INPP5D: variants seen among roughly 807,000 people sequenced by gnomAD.
INPP5D encodes phosphatidylinositol 3,4,5-trisphosphate 5-phosphatase 1.
In INPP5D, 33 loss-of-function variants were observed where a neutral mutation model predicts 122.9. That is an observed-to-expected ratio of 0.27 (90% CI 0.20 to 0.36). INPP5D has a LOEUF of 0.36. Ranked by LOEUF, INPP5D falls within the 10% of genes least tolerant of loss-of-function variation. The pLI, the probability that INPP5D is intolerant of heterozygous loss-of-function variation, is 1.00. For synonymous variants in INPP5D, 584 were observed against 576.2 expected (o/e 1.01, Z -0.19); for missense variants, 1,053 against 1,412.7 (o/e 0.75, Z 4.08).
At chr2:233,111,832 G>A (rs745782457) in intron 2 of INPP5D, among the ~76,000 whole-genome samples, 3 of 152,112 alleles carry the variant, frequency 2.0e-5, no homozygotes, top group Non-Finnish European at 4.4e-5. Context: ...AGACCGAGAC[G>A]GGCAAATCAT....
At chr2:233,175,217 CAAAAAAAAAA>C (rs1220185296) in intron 17 of INPP5D, among the ~76,000 whole-genome samples, 7 of 68,616 alleles carry the variant, frequency 1.0e-4, no homozygotes, top group African/African-American at 4.3e-4. Context: ...GACTCCATCT[CAAAAAAAAAA>C]AAAAAAAAAA....
At chr2:233,187,802 C>T (rs550897456) in intron 21 of INPP5D, among the ~76,000 whole-genome samples, 3 of 152,308 alleles carry the variant, frequency 2.0e-5, no homozygotes, top group South Asian at 2.1e-4. Flanking sequence ...CTGCCTCACC[C>T]GGCCCAAGCC....
At chr2:233,075,442 C>T (rs964517433) in intron 1 of INPP5D, among the ~76,000 whole-genome samples, 2 of 152,190 alleles carry the variant, frequency 1.3e-5, no homozygotes, top group Non-Finnish European at 2.9e-5. Flanking sequence ...TGTTCCAGGG[C>T]AGCAATTGCC....
intron 26 of INPP5D, 153 bp downstream of exon 26, chr2:233,204,870 G>T: frequency 8.3e-7 from 1 of 1,205,716 alleles, no homozygotes; most frequent in Non-Finnish European, 1.1e-6. Context: ...ACACATGCGA[G>T]TGATGGTCCT....
Position 233,164,274 on chromosome 2 carries a change from G to T in INPP5D, c.1438-33G>T. 1 of 1,530,442 alleles carries T rather than the reference G, an allele frequency of 6.5e-7. No homozygotes were observed. Among genetic ancestry groups the T allele is most frequent in the South Asian group, 1.2e-5 (1 of 80,880 alleles). 94.8% of individuals were successfully genotyped at this position (1,530,442 alleles called of 1,614,324 possible). On this transcript the variant is annotated intron_variant, in intron 12 of 26. Coordinates refer to ENST00000445964, the MANE Select transcript of INPP5D (RefSeq NM_001017915.3). The surrounding 1 kb of genome is among the most constrained non-coding windows in gnomAD (Gnocchi z 4.3). ...GTGCCCTGGTTCACACCCTACACTT[G>T]GGCCGAGTATTGCAACGTTGTCCTC... is the stretch of plus-strand genomic sequence containing the variant.
rs748102212 is a variant in INPP5D at position 233,102,223 on chromosome 2, G to A, written c.199-19884G>A. Among the ~76,000 whole-genome samples, 11 of 152,234 alleles carry A rather than the reference G, an allele frequency of 7.2e-5. 1 individual carries two copies. The South Asian group carries it at 1.0e-3, about 14-fold the overall frequency. ...ACTTAGTCACAAACATTAAAAAATCGGAGATTTCATCTAGGAATCTGGACT... is the reference window on the plus strand; with the variant it reads ...ACTTAGTCACAAACATTAAAAAATCAGAGATTTCATCTAGGAATCTGGACT... On this transcript the variant is annotated intron_variant, in intron 2 of 26. Coordinates refer to ENST00000445964, the MANE Select transcript of INPP5D (RefSeq NM_001017915.3).
At chr2:233,196,961 C>T (rs1259386676) in intron 24 of INPP5D, among the ~76,000 whole-genome samples, 1 of 152,218 alleles carries the variant, frequency 6.6e-6, no homozygotes, top group East Asian at 1.9e-4. Context: ...TCTTTCCCTC[C>T]CATGATAATC....
chr2:233,122,779 C>G (rs1293552168), intron 3 of INPP5D, among the ~76,000 whole-genome samples: 2 of 152,100 alleles, frequency 1.3e-5, no homozygotes, highest in East Asian at 3.9e-4. Flanking sequence ...TGCACTCTAG[C>G]CTGGGTGACA....
intron 2 of INPP5D, among the ~76,000 whole-genome samples, chr2:233,119,499 T>G (rs1274114042): frequency 1.3e-5 from 2 of 152,184 alleles, no homozygotes; most frequent in Admixed American, 1.3e-4. Context: ...TTCAATAATG[T>G]TTGAAAGAGA....
intron 5 of INPP5D, among the ~76,000 whole-genome samples, chr2:233,137,887 TATATATATATACACAC>T (rs1693528196): frequency 3.9e-5 from 2 of 50,948 alleles, no homozygotes; most frequent in South Asian, 6.4e-4. Flanking sequence ...TATATATATA[TATATATATATACACAC>T]ACACACACAC....
intron 2 of INPP5D, among the ~76,000 whole-genome samples, chr2:233,096,875 T>C (rs1692159169): frequency 1.3e-5 from 2 of 152,210 alleles, no homozygotes; most frequent in Non-Finnish European, 2.9e-5. Context: ...GTGCGTTTTG[T>C]CATGTGGAAG....
chr2:233,193,894 G>C lies in INPP5D; in HGVS notation c.2529G>C (p.Leu843Phe). Residue 843 changes from leucine (L) to phenylalanine (F), a missense_variant, in exon 23 of 27, where the codon TTG becomes TTC. By Grantham distance (22) the Leu-to-Phe change is conservative. Transcript: ENST00000445964. Reference protein sequence around the residue: ...IYTPLTHHGELTGHFQGEIKL... With the variant: ...IYTPLTHHGEFTGHFQGEIKL... ...CGCCTCTCACCCACCATGGGGAGTTGACAGGCCACTTCCAGGGGGAGATCA... is the reference window on the plus strand; with the variant it reads ...CGCCTCTCACCCACCATGGGGAGTTCACAGGCCACTTCCAGGGGGAGATCA... 1.2e-6 allele frequency: 2 copies of C among 1,613,954 alleles called. No individual in the cohort carries two copies. The highest frequency in any genetic ancestry group is 2.2e-5 in the South Asian group (2 of 91,084).
chr2:233,166,424 T>C (rs1005155223), intron 13 of INPP5D, among the ~76,000 whole-genome samples: 2 of 151,922 alleles, frequency 1.3e-5, no homozygotes, highest in Non-Finnish European at 2.9e-5. Flanking sequence ...TGGGAGGGAG[T>C]GCACTGGCGA....
At chr2:233,113,117 C>T (rs1028359017) in intron 2 of INPP5D, among the ~76,000 whole-genome samples, 3 of 152,158 alleles carry the variant, frequency 2.0e-5, no homozygotes, top group African/African-American at 7.2e-5. Context: ...GTATTATCCC[C>T]AAGAAGGGTA....
At position 233,099,320 on chromosome 2, in the gene INPP5D, T is replaced by C. The variant is rs569100527; in HGVS notation, c.198+19922T>C. 3.0e-4 allele frequency among the ~76,000 whole-genome samples: 46 copies of C among 152,344 alleles called. 1 individual carries two copies. The South Asian group carries it at 8.9e-3, about 29-fold the overall frequency. Reference sequence around the variant, plus strand: ...TACACCAGCCCGTTACTCCAGACCATTGAGGTCAGCTTCATCCTGGCTCTA... The same window carrying C: ...TACACCAGCCCGTTACTCCAGACCACTGAGGTCAGCTTCATCCTGGCTCTA... On this transcript the variant is annotated intron_variant, in intron 2 of 26. Transcript: ENST00000445964.
intron 6 of INPP5D, among the ~76,000 whole-genome samples, chr2:233,144,655 G>A (rs1255504928): frequency 8.5e-6 from 1 of 118,284 alleles, no homozygotes; most frequent in Non-Finnish European, 2.0e-5. Flanking sequence ...GAGTGATGGG[G>A]TAGAGATGGT....
intron 1 of INPP5D, among the ~76,000 whole-genome samples, chr2:233,068,030 A>C (rs1166894027): frequency 6.6e-6 from 1 of 152,114 alleles, no homozygotes; most frequent in Admixed American, 6.6e-5. Flanking sequence ...TCATGCCTGT[A>C]ATCCCAGCAC....
intron 20 of INPP5D, among the ~76,000 whole-genome samples, chr2:233,185,200 T>C (rs1694881488): frequency 6.6e-6 from 1 of 151,966 alleles, no homozygotes; most frequent in Non-Finnish European, 1.5e-5. Flanking sequence ...CAAAAGGGCA[T>C]TTTGTGAGGG....
chr2:233,064,339 C>T (rs1041354327), intron 1 of INPP5D, among the ~76,000 whole-genome samples: 1 of 152,232 alleles, frequency 6.6e-6, no homozygotes, highest in Admixed American at 6.5e-5. Context: ...GTTTTGGTTT[C>T]CCTCCACATG....
Sources: allele counts gnomAD v4.1 joint callset (sites outside exome capture counted in the v4.1 genomes callset), GRCh38; gene constraint gnomAD v4.1.1; non-coding constraint Gnocchi (gnomAD v3.1); transcripts MANE v1.5; gene names NCBI Gene and HGNC (gene_info 2026-07-23, HGNC 2026-07-21).